The following COL10A1 variants were observed in gnomAD, a reference collection of about 807,000 sequenced individuals.
The protein encoded by COL10A1 is collagen type X alpha 1 chain, also known as collagen alpha-1(X) chain.
In COL10A1, 10 loss-of-function variants were observed where a neutral mutation model predicts 18.2. That is an observed-to-expected ratio of 0.55 (90% CI 0.34 to 0.93). The LOEUF is 0.93. Ranked by LOEUF, COL10A1 falls within the 40% of genes least tolerant of loss-of-function variation. COL10A1 has a pLI of 0.02. For missense variants in COL10A1, 897 were observed against 853.5 expected, an observed-to-expected ratio of 1.05 and a Z score of -0.64; for synonymous variants, 330 against 316.6, an observed-to-expected ratio of 1.04 and a Z score of -0.45.
chr6:116,201,460 T>G, the COL10A1 span, among the ~76,000 whole-genome samples: 1 of 152,016 alleles, frequency 6.6e-6, no homozygotes, highest in African/African-American at 2.4e-5. Context: ...TGGAGAAGAA[T>G]TGACCAATCA....
chr6:116,210,443 AT>A, the COL10A1 span, among the ~76,000 whole-genome samples: 2 of 151,744 alleles, frequency 1.3e-5, no homozygotes, highest in Non-Finnish European at 2.9e-5. Context: ...ACTGGGCAGT[AT>A]TGCACAAGCT....
the COL10A1 span, among the ~76,000 whole-genome samples, chr6:116,184,457 T>G: frequency 6.6e-6 from 1 of 151,862 alleles, no homozygotes; most frequent in East Asian, 1.9e-4. Context: ...TAGTGTCAAT[T>G]GGATTGGTAC....
the COL10A1 span, among the ~76,000 whole-genome samples, chr6:116,197,214 C>T: frequency 1.3e-5 from 2 of 151,930 alleles, no homozygotes; most frequent in Admixed American, 6.6e-5. Context: ...CATCTGGCCA[C>T]GGATCTGCTT....
At chr6:116,169,394 T>TA in the COL10A1 span, among the ~76,000 whole-genome samples, 26 of 152,238 alleles carry the variant, frequency 1.7e-4, no homozygotes, top group Non-Finnish European at 3.1e-4. Context: ...TTATGACTGT[T>TA]ACAATATTTT....
At chr6:116,133,195 A>G (rs1338803934) in intron 1 of COL10A1, among the ~76,000 whole-genome samples, 1 of 152,182 alleles carries the variant, frequency 6.6e-6, no homozygotes, top group African/African-American at 2.4e-5. Flanking sequence ...CAGCTGAGTT[A>G]AAAATATAGA....
intron 1 of COL10A1, among the ~76,000 whole-genome samples, chr6:116,143,922 G>A (rs1416770379): frequency 2.6e-5 from 4 of 152,066 alleles, no homozygotes; most frequent in Non-Finnish European, 5.9e-5. Flanking sequence ...CAAAATATTT[G>A]TAATGCTTTA....
Position 116,120,849 on chromosome 6 carries a change from G to A in COL10A1, c.1267C>T (p.Pro423Ser), listed in dbSNP as rs759211032. Residue 423 changes from proline to serine, a missense_variant, in exon 3 of 3, where the codon CCT becomes TCT. Physicochemically the swap from Pro to Ser is moderately conservative, Grantham distance 74. Transcript: ENST00000651968. ...CCCTTTGCTCCTGCTGGGCCCACAG[G>A]GCCTGGGAGACCAGGAGGTCCTCCA... ...GVGGPPGLPG[P>S]VGPAGAKGMP... is the part of the protein sequence containing the mutation. The A allele has an allele frequency of 6.8e-6, 11 of 1,614,004 alleles. No homozygotes were observed. Among genetic ancestry groups the A allele is most frequent in the Non-Finnish European group, 8.5e-6 (10 of 1,179,956 alleles).
chr6:116,190,186 C>T, the COL10A1 span, among the ~76,000 whole-genome samples: 1 of 151,910 alleles, frequency 6.6e-6, no homozygotes, highest in African/African-American at 2.4e-5. Flanking sequence ...TCATTTTCTC[C>T]TCTTCCCATC....
chr6:116,176,707 C>T, the COL10A1 span, among the ~76,000 whole-genome samples: 1 of 152,158 alleles, frequency 6.6e-6, no homozygotes, highest in African/African-American at 2.4e-5. Flanking sequence ...ACTTGCTGCC[C>T]TTCCTCCAGC....
chr6:116,124,707 C>T (rs2114305292), intron 2 of COL10A1, among the ~76,000 whole-genome samples: 1 of 152,312 alleles, frequency 6.6e-6, no homozygotes, highest in South Asian at 2.1e-4. Flanking sequence ...GGACAAGTAA[C>T]TTACCTCAGG....
the COL10A1 span, among the ~76,000 whole-genome samples, chr6:116,167,827 G>A: frequency 6.6e-6 from 1 of 152,042 alleles, no homozygotes; most frequent in Non-Finnish European, 1.5e-5. Context: ...TGTAACATTA[G>A]AGCTAAACAA....
Position 116,121,837 on chromosome 6 carries a change from C to A in COL10A1, c.279G>T (p.Glu93Asp), listed in dbSNP as rs1352869576. 6.2e-7 allele frequency: 1 copy of A among 1,613,752 alleles called. No homozygotes were observed. The highest frequency in any genetic ancestry group is 8.5e-7 in the Non-Finnish European group (1 of 1,179,918). ...GTCCCGGTGGTCCTGGCAACCCTGG[C>A]TCTCCTTGGAGTCCAGGACTTCCGT... ...PGYGSPGLQG[E>D]PGLPGPPGPS... The change falls in exon 3 of 3, where the codon GAG (glutamate) becomes GAT (aspartate). Residue 93 changes from glutamate to aspartate, a missense_variant. By Grantham distance (45) the Glu-to-Asp change is conservative. Coordinates refer to ENST00000651968, the MANE Select transcript of COL10A1 (RefSeq NM_000493.4).
At chr6:116,156,393 C>A (rs530415270) in intron 1 of COL10A1, among the ~76,000 whole-genome samples, 2 of 152,248 alleles carry the variant, frequency 1.3e-5, no homozygotes, top group South Asian at 4.2e-4. Context: ...ACTATGTAGG[C>A]ACTTTGAGGT....
chr6:116,156,373 C>T (rs1266322219), intron 1 of COL10A1, among the ~76,000 whole-genome samples: 1 of 151,992 alleles, frequency 6.6e-6, no homozygotes, highest in Non-Finnish European at 1.5e-5. Context: ...AGTTAGTTTG[C>T]TGGTTTAATA....
chr6:116,187,714 A>G, the COL10A1 span, among the ~76,000 whole-genome samples: 1 of 152,092 alleles, frequency 6.6e-6, no homozygotes, highest in East Asian at 1.9e-4. Context: ...TCAATTTCAC[A>G]TGGATTATAG....
chr6:116,183,482 T>G, the COL10A1 span, among the ~76,000 whole-genome samples: 1 of 152,054 alleles, frequency 6.6e-6, no homozygotes, highest in South Asian at 2.1e-4. Context: ...ATTTTTTAAA[T>G]ATGGATATTT....
intron 1 of COL10A1, among the ~76,000 whole-genome samples, chr6:116,158,135 C>G (rs1780243609): frequency 6.6e-6 from 1 of 152,142 alleles, no homozygotes; most frequent in Non-Finnish European, 1.5e-5. Context: ...ATAATGAGTT[C>G]AAATTACTAC....
chr6:116,121,500 C>A lies in COL10A1; in HGVS notation c.616G>T (p.Gly206Cys). 6.2e-7 allele frequency: 1 copy of A among 1,614,152 alleles called. No homozygotes were observed. The highest frequency in any genetic ancestry group is 8.5e-7 in the Non-Finnish European group (1 of 1,180,008). ...PGRPGERGLP[G>C]PQGPTGPSGP... ...GATGGTCCTGTGGGACCCTGAGGGCCTGGAAGACCCCTCTCACCTGGACGA... is the reference window on the plus strand; with the variant it reads ...GATGGTCCTGTGGGACCCTGAGGGCATGGAAGACCCCTCTCACCTGGACGA... The change falls in exon 3 of 3, where the codon GGC becomes TGC. Residue 206 changes from glycine to cysteine, a missense_variant. By Grantham distance (159) the Gly-to-Cys change is radical. Coordinates refer to ENST00000651968, the MANE Select transcript of COL10A1 (RefSeq NM_000493.4).
chr6:116,183,015 AT>A, the COL10A1 span, among the ~76,000 whole-genome samples: 1 of 151,988 alleles, frequency 6.6e-6, no homozygotes, highest in Non-Finnish European at 1.5e-5. Context: ...TGGGTCTTAG[AT>A]TTAAGTTTTT....
Sources: gnomAD v4.1 joint callset for allele counts (sites outside exome capture counted in the v4.1 genomes callset) on GRCh38, gnomAD v4.1.1 for gene constraint, MANE v1.5 for transcripts, NCBI Gene and HGNC (gene_info 2026-07-23, HGNC 2026-07-21) for gene names.